The following SYT14 variants were observed in gnomAD, a reference collection of about 807,000 sequenced individuals.
The protein encoded by SYT14 is synaptotagmin-14.
Under a neutral mutation model 74.2 loss-of-function variants are expected in SYT14, and 32 were observed. That is an observed-to-expected ratio of 0.43 (90% CI 0.33 to 0.58). The LOEUF (loss-of-function observed/expected upper bound fraction) is 0.58, where lower values mean the gene tolerates loss of function less well. Ranked by LOEUF, SYT14 falls within the 20% of genes least tolerant of loss-of-function variation. The pLI is 0.05. For synonymous variants in SYT14, 298 were observed against 337.7 expected, an observed-to-expected ratio of 0.88 and a Z score of 1.29; for missense variants, 791 against 981.8, an observed-to-expected ratio of 0.81 and a Z score of 2.60.
chr1:209,993,991 C>G (rs907122352), intron 2 of SYT14, among the ~76,000 whole-genome samples: 1 of 152,116 alleles, frequency 6.6e-6, no homozygotes, highest in Admixed American at 6.5e-5. Context: ...CTGAAAGCAC[C>G]CAGAATTGAA....
intron 5 of SYT14, among the ~76,000 whole-genome samples, chr1:210,058,098 C>T (rs185351528): frequency 2.0e-5 from 3 of 152,242 alleles, no homozygotes; most frequent in South Asian, 2.1e-4. Flanking sequence ...ATTCTGGAAT[C>T]GGTGACTAGG....
At chr1:209,990,575 G>GTATATATATACGTATA (rs2079663941) in intron 2 of SYT14, among the ~76,000 whole-genome samples, 4 of 25,448 alleles carry the variant, frequency 1.6e-4, no homozygotes, top group Non-Finnish European at 4.4e-4. Flanking sequence ...ATATATGTAT[G>GTATATATATACGTATA]TATATTTCTT....
intron 2 of SYT14, among the ~76,000 whole-genome samples, chr1:209,959,335 G>A (rs1224360284): frequency 6.6e-6 from 1 of 151,906 alleles, no homozygotes; most frequent in African/African-American, 2.4e-5. Context: ...GTAGAGATGG[G>A]GTTTCACCAC....
At chr1:210,009,103 C>G (rs893019624) in intron 2 of SYT14, among the ~76,000 whole-genome samples, 6 of 152,180 alleles carry the variant, frequency 3.9e-5, no homozygotes, top group African/African-American at 1.4e-4. Context: ...CCATCCTGAG[C>G]TGCATATGTC....
At chr1:210,007,134 AT>A (rs1157320360) in intron 2 of SYT14, among the ~76,000 whole-genome samples, 1 of 151,940 alleles carries the variant, frequency 6.6e-6, no homozygotes. Flanking sequence ...AAAAATTGGT[AT>A]TTTTTAAGTT....
chr1:209,984,461 C>G (rs1572111611), intron 2 of SYT14, among the ~76,000 whole-genome samples: 1 of 152,146 alleles, frequency 6.6e-6, no homozygotes, highest in Admixed American at 6.6e-5. Context: ...AAGCTTCCTT[C>G]TCCCTCATTT....
At chr1:210,008,266 C>T (rs985425249) in intron 2 of SYT14, among the ~76,000 whole-genome samples, 5 of 152,134 alleles carry the variant, frequency 3.3e-5, no homozygotes, top group African/African-American at 9.7e-5. Flanking sequence ...CATGGGAAAA[C>T]TTGCATTAGT....
At chr1:210,042,129 A>G (rs925583137) in intron 5 of SYT14, among the ~76,000 whole-genome samples, 11 of 152,068 alleles carry the variant, frequency 7.2e-5, no homozygotes, top group Non-Finnish European at 4.4e-5. Flanking sequence ...TGAGTGGACC[A>G]AGGCCATCTG....
At chr1:210,064,740 C>T (rs2081266487) in intron 5 of SYT14, among the ~76,000 whole-genome samples, 1 of 152,042 alleles carries the variant, frequency 6.6e-6, no homozygotes, top group Admixed American at 6.6e-5. Context: ...GTGCAAGTGT[C>T]TGATTGAGTT....
At chr1:209,979,449 T>C (rs34503008) in intron 2 of SYT14, among the ~76,000 whole-genome samples, 40 of 152,050 alleles carry the variant, frequency 2.6e-4, no homozygotes, top group East Asian at 1.4e-3. Context: ...CTTTTTTTTT[T>C]CCCAACTTTT....
chr1:209,970,807 T>G (rs758485258), intron 2 of SYT14, among the ~76,000 whole-genome samples: 7 of 150,728 alleles, frequency 4.6e-5, no homozygotes, highest in Non-Finnish European at 7.4e-5. Flanking sequence ...CTCAGCCTCC[T>G]GTACTGGGAT....
chr1:210,169,935 CCTT>C (rs2083505287), exon 10 of SYT14: 1 of 151,760 alleles, frequency 6.6e-6, no homozygotes, highest in Non-Finnish European at 1.5e-5. Context: ...TTTCTTCCTT[CCTT>C]CTTTCTTTCC....
intron 2 of SYT14, among the ~76,000 whole-genome samples, chr1:209,977,152 G>A (rs992263194): frequency 3.9e-5 from 6 of 152,116 alleles, no homozygotes; most frequent in Admixed American, 1.3e-4. Context: ...GGTCTTGACT[G>A]TTTGTCCAAT....
chr1:209,982,501 A>C (rs2079504277), intron 2 of SYT14, among the ~76,000 whole-genome samples: 1 of 152,172 alleles, frequency 6.6e-6, no homozygotes, highest in Admixed American at 6.5e-5. Context: ...ACTGGTTTTG[A>C]AGTTTTGAAA....
chr1:210,145,503 C>G (rs2083013836), intron 7 of SYT14, among the ~76,000 whole-genome samples: 1 of 152,120 alleles, frequency 6.6e-6, no homozygotes, highest in Non-Finnish European at 1.5e-5. Context: ...AGGCACTGTA[C>G]TAATTTGAGG....
intron 7 of SYT14, among the ~76,000 whole-genome samples, chr1:210,141,046 CAAAA>C (rs36006017): frequency 1.2e-4 from 12 of 97,124 alleles, no homozygotes; most frequent in African/African-American, 2.6e-4. Flanking sequence ...TTTGTTTCTG[CAAAA>C]AAAAAAAAAA....
chr1:210,142,599 A>G (rs1156544870), intron 7 of SYT14, among the ~76,000 whole-genome samples: 2 of 152,214 alleles, frequency 1.3e-5, no homozygotes, highest in East Asian at 1.9e-4. Context: ...GAGCTGATCC[A>G]AAATGGCCAT....
At chr1:210,070,896 GAT>G (rs1457037642) in intron 5 of SYT14, among the ~76,000 whole-genome samples, 1 of 144,142 alleles carries the variant, frequency 6.9e-6, no homozygotes, top group Non-Finnish European at 1.5e-5. Context: ...ATTCAACAAA[GAT>G]AGTTGGGTAT....
intron 7 of SYT14, among the ~76,000 whole-genome samples, chr1:210,150,924 C>T (rs933518213): frequency 6.6e-6 from 1 of 152,104 alleles, no homozygotes; most frequent in South Asian, 2.1e-4. Flanking sequence ...CAAGCTTCCA[C>T]CTGATTTTAA....
Sources: allele counts gnomAD v4.1 joint callset (sites outside exome capture counted in the v4.1 genomes callset), GRCh38; gene constraint gnomAD v4.1.1; transcripts MANE v1.5; gene names NCBI Gene and HGNC (gene_info 2026-07-23, HGNC 2026-07-21).